The following UNC13C variants were observed in gnomAD, a reference collection of about 807,000 sequenced individuals.
UNC13C encodes unc-13 homolog C.
A neutral mutation model predicts 245.4 loss-of-function variants in UNC13C; 174 were observed. That is an observed-to-expected ratio of 0.71 (90% CI 0.63 to 0.80). The LOEUF is 0.80. Among genes scored for constraint, UNC13C ranks in the 30% least tolerant of loss-of-function variants. The pLI is 0.00. For synonymous variants in UNC13C, 992 were observed against 895.1 expected (o/e 1.11, Z -1.93); for missense variants, 2,829 against 2,602.9 (o/e 1.09, Z -1.89).
At chr15:54,417,831 G>C (rs1339202538) in intron 19 of UNC13C, among the ~76,000 whole-genome samples, 1 of 152,140 alleles carries the variant, frequency 6.6e-6, no homozygotes. Flanking sequence ...GAATATATAT[G>C]AGTAGATTAG....
chr15:54,507,186 GA>G lies in UNC13C; in HGVS notation c.5375del (p.Asn1792MetfsTer6). 2 of 1,585,958 alleles carry G rather than the reference GA, an allele frequency of 1.3e-6. No homozygotes were observed. Among genetic ancestry groups the G allele is most frequent in the Non-Finnish European group, 8.6e-7 (1 of 1,163,644 alleles). On this transcript the variant is annotated frameshift_variant, in exon 23 of 33. Transcript: ENST00000260323. LOFTEE classifies it high-confidence loss of function. ...TGATTTCAGTTCACATTGTGATAAG[GA>G]AAATGTGGTAAGTAAAAAATGTCTC... ...SSDFSSHCDK[E>X]NVPCILMNNI...
At chr15:54,445,554 G>T (rs1398313474) in intron 19 of UNC13C, among the ~76,000 whole-genome samples, 1 of 152,172 alleles carries the variant, frequency 6.6e-6, no homozygotes, top group Non-Finnish European at 1.5e-5. Context: ...CAGTGATGAT[G>T]AGCAATTTTT....
intron 14 of UNC13C, among the ~76,000 whole-genome samples, chr15:54,329,090 T>TTG (rs1377755576): frequency 6.6e-6 from 1 of 151,358 alleles, no homozygotes; most frequent in Admixed American, 6.6e-5. Context: ...AGTTTTTTTT[T>TTG]TTTTTTTTTT....
intron 2 of UNC13C, among the ~76,000 whole-genome samples, chr15:54,108,952 G>A (rs541612722): frequency 3.3e-5 from 5 of 152,216 alleles, no homozygotes; most frequent in East Asian, 1.9e-4. Flanking sequence ...TTAGCCTGGC[G>A]GAATTCTGAT....
intron 2 of UNC13C, among the ~76,000 whole-genome samples, chr15:54,104,818 A>C (rs1268317524): frequency 6.6e-6 from 1 of 151,882 alleles, no homozygotes; most frequent in Non-Finnish European, 1.5e-5. Context: ...TGTAATCCTT[A>C]TCTCTTGGTT....
chr15:54,193,840 TAG>T (rs2034266993), intron 4 of UNC13C, among the ~76,000 whole-genome samples: 1 of 152,144 alleles, frequency 6.6e-6, no homozygotes, highest in Admixed American at 6.6e-5. Context: ...ATCACACTGC[TAG>T]AGAGTGCCAG....
chr15:54,301,649 T>A (rs1199053613), intron 13 of UNC13C, among the ~76,000 whole-genome samples: 1 of 152,194 alleles, frequency 6.6e-6, no homozygotes, highest in Non-Finnish European at 1.5e-5. Context: ...TAGTATTCCA[T>A]GGTGCATATG....
chr15:54,406,466 T>G (rs2040295492), intron 18 of UNC13C, among the ~76,000 whole-genome samples: 1 of 152,172 alleles, frequency 6.6e-6, no homozygotes, highest in South Asian at 2.1e-4. Flanking sequence ...TTTCTCAGAT[T>G]CCTTCCACTT....
At chr15:54,580,265 T>G (rs1296122460) in intron 30 of UNC13C, among the ~76,000 whole-genome samples, 3 of 152,226 alleles carry the variant, frequency 2.0e-5, no homozygotes, top group Non-Finnish European at 4.4e-5. Context: ...GATGGGACAT[T>G]TTCTCCTACA....
chr15:54,572,756 G>T (rs1048569055), intron 30 of UNC13C, among the ~76,000 whole-genome samples: 4 of 151,886 alleles, frequency 2.6e-5, no homozygotes, highest in African/African-American at 9.7e-5. Flanking sequence ...CATGTTCTGT[G>T]GGGGAAATTA....
At chr15:54,314,323 G>A (rs2037954464) in intron 13 of UNC13C, among the ~76,000 whole-genome samples, 1 of 151,756 alleles carries the variant, frequency 6.6e-6, no homozygotes, top group Non-Finnish European at 1.5e-5. Flanking sequence ...AAAAAGATAA[G>A]TATGGGAGGT....
chr15:54,166,323 G>T (rs979197981), intron 4 of UNC13C, among the ~76,000 whole-genome samples: 1 of 151,974 alleles, frequency 6.6e-6, no homozygotes, highest in Non-Finnish European at 1.5e-5. Flanking sequence ...TAGGAGACAT[G>T]AAAAAATATT....
chr15:54,048,779 G>T (rs1203948387), intron 2 of UNC13C: 3 of 249,150 alleles, frequency 1.2e-5, no homozygotes, highest in African/African-American at 6.9e-5. Context: ...GAACCAGAGG[G>T]CCGTTAACTC....
intron 30 of UNC13C, among the ~76,000 whole-genome samples, chr15:54,592,991 T>G (rs767987622): frequency 6.6e-6 from 1 of 152,160 alleles, no homozygotes; most frequent in Non-Finnish European, 1.5e-5. Context: ...GCAGTTCTTG[T>G]AGTGATGGCT....
chr15:54,603,616 C>A (rs1008848044), intron 30 of UNC13C, among the ~76,000 whole-genome samples: 1 of 152,144 alleles, frequency 6.6e-6, no homozygotes, highest in East Asian at 1.9e-4. Context: ...AATCCCAACA[C>A]TTTAGGAGGC....
At chr15:54,397,832 C>T (rs544745394) in intron 18 of UNC13C, among the ~76,000 whole-genome samples, 4 of 151,060 alleles carry the variant, frequency 2.6e-5, no homozygotes, top group Admixed American at 2.6e-4. Flanking sequence ...ATATCTTCAG[C>T]CTTTCTAAAT....
At chr15:54,050,929 G>A in intron 2 of UNC13C, 2 of 546,248 alleles carry the variant, frequency 3.7e-6, no homozygotes, top group Non-Finnish European at 7.4e-6. Context: ...ATTTACTCAA[G>A]TTCCAGGAAA....
chr15:54,406,115 G>A (rs955592020), intron 18 of UNC13C, among the ~76,000 whole-genome samples: 2 of 152,064 alleles, frequency 1.3e-5, no homozygotes, highest in Non-Finnish European at 2.9e-5. Flanking sequence ...TATATGACAC[G>A]GGAGACTTCA....
chr15:54,391,302 C>CT (rs1173120574), intron 17 of UNC13C, among the ~76,000 whole-genome samples: 9 of 152,036 alleles, frequency 5.9e-5, no homozygotes, highest in Non-Finnish European at 1.0e-4. Flanking sequence ...TTTTATTTAT[C>CT]ACCTTCACAA....
Sources: allele counts gnomAD v4.1 joint callset (sites outside exome capture counted in the v4.1 genomes callset), GRCh38; gene constraint gnomAD v4.1.1; transcripts MANE v1.5; gene names NCBI Gene and HGNC (gene_info 2026-07-23, HGNC 2026-07-21).